ATP2B2: variants seen among roughly 807,000 people sequenced by gnomAD.
ATP2B2 encodes ATPase plasma membrane Ca2+ transporting 2.
A neutral mutation model predicts 120.0 loss-of-function variants in ATP2B2; 15 were observed. The ratio of observed to expected loss-of-function variants is 0.12; its 90% CI spans 0.08 to 0.19. The LOEUF (loss-of-function observed/expected upper bound fraction) is 0.19, where lower values mean the gene tolerates loss of function less well. ATP2B2 is among the 10% of genes least tolerant of loss of function. The probability of loss-of-function intolerance (pLI) is 1.00; values close to 1 mark genes in which losing one functional copy is unlikely to be tolerated. For synonymous variants in ATP2B2, 694 were observed against 700.3 expected, an observed-to-expected ratio of 0.99 and a Z score of 0.14; for missense variants, 1,045 against 1,719.8, an observed-to-expected ratio of 0.61 and a Z score of 6.94.
Position 10,565,392 on chromosome 3 carries a change from G to A in ATP2B2, c.-414-31259C>T, listed in dbSNP as rs7653492. On this transcript the variant is annotated intron_variant, in intron 2 of 21. Transcript: ENST00000646379. ...TTCTGCTGTTCCCCATCTCTCGCGT[G>A]GGCTTAGTCACCAGGTCCTGACAAC... Among the ~76,000 whole-genome samples the A allele has an allele frequency of 2.4e-3, 365 of 152,212 alleles. 1 individual carries two copies. The highest frequency in any genetic ancestry group is 8.6e-3 in the African/African-American group (356 of 41,528).
chr3:10,640,489 CTTG>C (rs1231544249), intron 1 of ATP2B2, among the ~76,000 whole-genome samples: 1 of 152,128 alleles, frequency 6.6e-6, no homozygotes, highest in Non-Finnish European at 1.5e-5. Context: ...CTCTAGGGGG[CTTG>C]TTGTTTTGTG....
intron 2 of ATP2B2, among the ~76,000 whole-genome samples, chr3:10,549,526 T>C (rs2067623056): frequency 1.3e-5 from 2 of 152,214 alleles, no homozygotes; most frequent in African/African-American, 4.8e-5. Context: ...GTGCTGAACA[T>C]TGGAAAGTGA....
chr3:10,379,150 G>T (rs1455645794), intron 9 of ATP2B2, 93 bp downstream of exon 9: 115 of 1,436,778 alleles, frequency 8.0e-5, no homozygotes, highest in Non-Finnish European at 1.1e-4. Context: ...GTCTGCCTCT[G>T]GCCCTTGCCA....
intron 1 of ATP2B2, among the ~76,000 whole-genome samples, chr3:10,651,704 A>G (rs2070467801): frequency 6.6e-6 from 1 of 150,728 alleles, no homozygotes; most frequent in African/African-American, 2.4e-5. Context: ...TGGAAGGGTG[A>G]ATGGATGGAT....
intron 2 of ATP2B2, among the ~76,000 whole-genome samples, chr3:10,443,470 C>T (rs546377488): frequency 6.6e-6 from 1 of 152,262 alleles, no homozygotes; most frequent in East Asian, 1.9e-4. Flanking sequence ...AGAGCGTAGT[C>T]TGGGATTTTT....
rs564418777 is a variant in ATP2B2, at chr3:10,511,877, G to A, written c.-320+22162C>T. On this transcript the variant is annotated intron_variant, in intron 3 of 21. Coordinates refer to the ATP2B2 transcript ENST00000646379. ...ACTGGGGTCCCTAGCTAACATTGAC[G>A]TGTGTGTGTTTTCACTCTTGCTGAA... Among the ~76,000 whole-genome samples, 21 of 152,260 alleles carry A rather than the reference G, an allele frequency of 1.4e-4. No homozygotes were observed. The South Asian group carries it at 2.1e-3, about 15-fold the overall frequency.
chr3:10,409,133 C>T (rs1001407575), intron 3 of ATP2B2, among the ~76,000 whole-genome samples: 4 of 152,180 alleles, frequency 2.6e-5, no homozygotes, highest in African/African-American at 9.7e-5. Context: ...ATTTGTGTTA[C>T]ACTCTTAGCT....
chr3:10,584,902 T>C (rs371674872), intron 2 of ATP2B2, among the ~76,000 whole-genome samples: 10 of 152,222 alleles, frequency 6.6e-5, no homozygotes, highest in Admixed American at 2.0e-4. Flanking sequence ...TTCCCAGTTG[T>C]TGAGACAAAA....
chr3:10,495,220 G>A (rs1407765211), intron 1 of ATP2B2, among the ~76,000 whole-genome samples: 1 of 152,208 alleles, frequency 6.6e-6, no homozygotes, highest in East Asian at 1.9e-4. Context: ...CCAGTTTGAC[G>A]TCTGGCCCAA....
intron 2 of ATP2B2, among the ~76,000 whole-genome samples, chr3:10,575,998 G>T (rs2068236597): frequency 6.6e-6 from 1 of 152,208 alleles, no homozygotes; most frequent in African/African-American, 2.4e-5. Flanking sequence ...CACTTGGCAT[G>T]GATGGCCTCA....
At chr3:10,385,734 G>A (rs1270452041) in intron 7 of ATP2B2, among the ~76,000 whole-genome samples, 1 of 152,184 alleles carries the variant, frequency 6.6e-6, no homozygotes, top group African/African-American at 2.4e-5. Context: ...TGCAGCGTGG[G>A]CACGGACCAC....
intron 22 of ATP2B2, among the ~76,000 whole-genome samples, chr3:10,335,152 C>T (rs1418579799): frequency 6.6e-6 from 1 of 152,164 alleles, no homozygotes; most frequent in Non-Finnish European, 1.5e-5. Flanking sequence ...GGAGGGGCCA[C>T]AGTCCCAGGC....
At chr3:10,477,224 T>C (rs2065236831) in intron 1 of ATP2B2, among the ~76,000 whole-genome samples, 1 of 152,202 alleles carries the variant, frequency 6.6e-6, no homozygotes, top group South Asian at 2.1e-4. Flanking sequence ...TTAAGATTGG[T>C]GCTTTTGTGT....
chr3:10,325,143 G>A lies in ATP2B2; in HGVS notation c.*3671C>T, dbSNP rs1257830913. 6.6e-6 allele frequency: 1 copy of A among 152,078 alleles called. No homozygotes were observed. The highest frequency in any genetic ancestry group is 1.5e-5 in the Non-Finnish European group (1 of 68,052). The allele number at this position is 152,078 out of a possible 1,614,324, so 9.4% of individuals were successfully genotyped here. ...AGAACATAGTCTATTTCACAGCCCT[G>A]AGTGGACAGTAATTACAATGGGGGG... On this transcript the variant is annotated 3_prime_UTR_variant, in exon 23 of 23. Transcript: ENST00000360273.
chr3:10,561,906 C>T (rs1191889402), intron 2 of ATP2B2, among the ~76,000 whole-genome samples: 1 of 152,182 alleles, frequency 6.6e-6, no homozygotes, highest in Non-Finnish European at 1.5e-5. Flanking sequence ...AGTACAGTCA[C>T]AGAGCTAGCA....
At position 10,401,661 on chromosome 3, in the gene ATP2B2, C is replaced by A. The variant is rs562329947; in HGVS notation, c.655+430G>T. ...GAATATTCACTTATCCACCTACACA[C>A]TTTCTAACATCTCCTCTAGCCCAAC... is the stretch of plus-strand genomic sequence containing the variant. On this transcript the variant is annotated intron_variant, in intron 4 of 22. Transcript: ENST00000360273. Among the ~76,000 whole-genome samples the A allele has an allele frequency of 7.9e-5, 12 of 152,336 alleles. 1 individual carries two copies. In the South Asian group the frequency reaches 1.5e-3, roughly 18 times the overall value.
At chr3:10,360,834 G>T (rs2060876682) in intron 12 of ATP2B2, among the ~76,000 whole-genome samples, 1 of 152,104 alleles carries the variant, frequency 6.6e-6, no homozygotes. Flanking sequence ...GAGTTAATGT[G>T]GCCACCACCA....
At chr3:10,418,006 A>G (rs932466569) in intron 2 of ATP2B2, among the ~76,000 whole-genome samples, 1 of 152,202 alleles carries the variant, frequency 6.6e-6, no homozygotes, top group Non-Finnish European at 1.5e-5. Context: ...AGCATGCCAC[A>G]TGGGGTCAGG....
rs1036325960 is a variant in ATP2B2 at position 10,685,165 on chromosome 3, T to A, written c.-460+22750A>T. On this transcript the variant is annotated intron_variant, in intron 1 of 21. Transcript: ENST00000646379. The stretch of plus-strand genomic sequence containing the variant: ...AGTCCCCACTGTTTAATCCCTGGGG[T>A]TGCTGTGAGGATCAAATGAGGCACT... Among the ~76,000 whole-genome samples the A allele has an allele frequency of 2.6e-4, 40 of 152,256 alleles. No homozygotes were observed. The East Asian group carries it at 7.7e-3, about 29-fold the overall frequency.
Sources: gnomAD v4.1 joint callset for allele counts (sites outside exome capture counted in the v4.1 genomes callset) on GRCh38, gnomAD v4.1.1 for gene constraint, MANE v1.5 for transcripts, NCBI Gene and HGNC (gene_info 2026-07-23, HGNC 2026-07-21) for gene names.